DOCK2: variants seen among roughly 807,000 people sequenced by gnomAD.
The protein encoded by DOCK2 is dedicator of cytokinesis protein 2.
In DOCK2, 87 loss-of-function variants were observed where a neutral mutation model predicts 248.9. The observed-to-expected ratio is 0.35, with a 90% CI of 0.29 to 0.42. The LOEUF (loss-of-function observed/expected upper bound fraction) is 0.42, where lower values mean the gene tolerates loss of function less well. DOCK2 is among the 10% of genes least tolerant of loss of function. The pLI is 1.00. For synonymous variants in DOCK2, 805 were observed against 821.6 expected (o/e 0.98, Z 0.35); for missense variants, 1,747 against 2,300.2 (o/e 0.76, Z 4.92).
chr5:169,882,821 T>C (rs1457105502), intron 27 of DOCK2: 2 of 1,551,146 alleles, frequency 1.3e-6, no homozygotes, highest in African/African-American at 1.4e-5. Flanking sequence ...GTGGGGTTGT[T>C]TGCCGTCTGC....
At position 169,661,098 on chromosome 5, in the gene DOCK2, G is replaced by C. The variant is rs115500355; in HGVS notation, c.127+6612G>C. Among the ~76,000 whole-genome samples the C allele has an allele frequency of 9.5e-3, 1,444 of 151,930 alleles. 23 individuals are homozygous for C. The highest frequency in any genetic ancestry group is 0.033 in the African/African-American group (1,355 of 41,418). On this transcript the variant is annotated intron_variant, in intron 2 of 51. Coordinates refer to ENST00000520908, the MANE Select transcript of DOCK2 (RefSeq NM_004946.3). ...AAGAATGGTATCTACTAACTCTTTT[G>C]GACACTGGACAAACTCTCTGAGTTT...
At chr5:169,794,161 G>A (rs973031553) in intron 25 of DOCK2, among the ~76,000 whole-genome samples, 1 of 151,970 alleles carries the variant, frequency 6.6e-6, no homozygotes, top group African/African-American at 2.4e-5. Context: ...CAGTCCACCC[G>A]CCGGGTCTGA....
chr5:169,808,903 C>CT (rs201886180), intron 26 of DOCK2, among the ~76,000 whole-genome samples: 2,425 of 152,092 alleles, frequency 0.016, 73 homozygotes, highest in African/African-American at 0.054. Flanking sequence ...TCAGAATCAT[C>CT]TTTTTTTAAA....
intron 27 of DOCK2, among the ~76,000 whole-genome samples, chr5:169,908,884 C>T (rs977909982): frequency 3.2e-4 from 48 of 152,070 alleles, no homozygotes; most frequent in African/African-American, 1.1e-3. Context: ...TGCATTTCAC[C>T]TTCAAAACAA....
At chr5:169,737,161 G>A (rs1186971198) in intron 22 of DOCK2, among the ~76,000 whole-genome samples, 1 of 152,192 alleles carries the variant, frequency 6.6e-6, no homozygotes, top group Non-Finnish European at 1.5e-5. Flanking sequence ...GCTGTGACCT[G>A]AATGATGAGT....
At chr5:169,807,288 G>T (rs2113158283) in intron 26 of DOCK2, among the ~76,000 whole-genome samples, 1 of 152,254 alleles carries the variant, frequency 6.6e-6, no homozygotes. Context: ...CAGTAACCTG[G>T]AGGAGCTGTT....
At chr5:169,888,869 A>T (rs1342966449) in intron 27 of DOCK2, among the ~76,000 whole-genome samples, 1 of 152,242 alleles carries the variant, frequency 6.6e-6, no homozygotes, top group Non-Finnish European at 1.5e-5. Context: ...CCCTTGGGAT[A>T]GTAAACTGTA....
rs955516030 is a variant in DOCK2, at chr5:169,995,914, C to T, written c.2994-172C>T. Reference sequence around the variant, plus strand: ...TGAGTTCTTGCAAGGCAAACAGCCCCGAGTCTAGAGTGTGAATAGTTGTTA... The same window carrying T: ...TGAGTTCTTGCAAGGCAAACAGCCCTGAGTCTAGAGTGTGAATAGTTGTTA... On this transcript the variant is annotated intron_variant, in intron 29 of 51. Coordinates refer to ENST00000520908, the MANE Select transcript of DOCK2 (RefSeq NM_004946.3). Among the ~76,000 whole-genome samples, 18 of 152,144 alleles carry T rather than the reference C, an allele frequency of 1.2e-4. 1 individual carries two copies. Among genetic ancestry groups the T allele is most frequent in the Admixed American group, 8.5e-4 (13 of 15,282 alleles).
intron 27 of DOCK2, among the ~76,000 whole-genome samples, chr5:169,967,134 AG>A (rs1358857590): frequency 6.6e-6 from 1 of 152,226 alleles, no homozygotes; most frequent in Non-Finnish European, 1.5e-5. Context: ...CCTGGTCCAG[AG>A]GTGGACAGAG....
chr5:170,055,372 T>G lies in DOCK2; in HGVS notation c.4281T>G (p.Pro1427=). 6.2e-7 allele frequency: 1 copy of G among 1,614,020 alleles called. No homozygotes were observed. The highest frequency in any genetic ancestry group is 2.2e-5 in the East Asian group (1 of 44,894). The change falls in exon 42 of 52, where the codon CCT becomes CCG. Residue 1427 remains proline, a synonymous_variant. Transcript: ENST00000520908. ...CCAGGTTCAAGAATAAGCCAGTGCC[T>G]GACCAGATTATAAAGTAAGACTCGT... ...EHPRFKNKPV[P]DQIINFYKSN...
At chr5:169,932,696 T>TA (rs1298844025) in intron 27 of DOCK2, among the ~76,000 whole-genome samples, 4 of 152,202 alleles carry the variant, frequency 2.6e-5, no homozygotes, top group Non-Finnish European at 5.9e-5. Flanking sequence ...CCCTGTTCCC[T>TA]ATATTCCAGT....
At chr5:169,965,591 C>A (rs919097491) in intron 27 of DOCK2, among the ~76,000 whole-genome samples, 3 of 152,204 alleles carry the variant, frequency 2.0e-5, no homozygotes, top group Non-Finnish European at 2.9e-5. Flanking sequence ...GAGCGTTAAA[C>A]ATCCCAATGT....
At chr5:170,002,221 A>C (rs560340862) in intron 30 of DOCK2, among the ~76,000 whole-genome samples, 127 of 142,024 alleles carry the variant, frequency 8.9e-4, no homozygotes, top group African/African-American at 2.6e-3. Flanking sequence ...CGTTGATTAC[A>C]GCACTGTTGC....
At position 169,764,844 on chromosome 5, in the gene DOCK2, T is replaced by TTTGTTGTTG. The variant is rs10636919; in HGVS notation, c.2554+3240_2554+3248dup. On this transcript the variant is annotated intron_variant, in intron 25 of 51. Coordinates refer to ENST00000520908, the MANE Select transcript of DOCK2 (RefSeq NM_004946.3). This position sits in a 1 kb window ranked among gnomAD's most constrained non-coding sequence, Gnocchi z 4.3. ...GCTCTCCATTCTGACTTTGAACGTG[T>TTTGTTGTTG]TTGTTGTTGTTGTTGTTGTTGTTGT... Among the ~76,000 whole-genome samples the TTTGTTGTTG allele has an allele frequency of 0.084, 12,616 of 151,022 alleles. 581 individuals carry two copies. Among genetic ancestry groups the TTTGTTGTTG allele is most frequent in the Non-Finnish European group, 0.1 (7,094 of 67,840 alleles).
intron 25 of DOCK2, among the ~76,000 whole-genome samples, chr5:169,791,706 G>C (rs996116011): frequency 6.6e-5 from 10 of 152,194 alleles, no homozygotes; most frequent in African/African-American, 2.4e-4. Flanking sequence ...CTCTGTTGGA[G>C]ACACACTAGC....
chr5:169,746,973 G>A (rs1375203288), intron 22 of DOCK2, among the ~76,000 whole-genome samples: 8 of 152,164 alleles, frequency 5.3e-5, no homozygotes, highest in African/African-American at 1.7e-4. Context: ...GGGCTCATCC[G>A]ACAAACAGAC....
intron 26 of DOCK2, among the ~76,000 whole-genome samples, chr5:169,804,485 T>TGTGTGTGTGTGTGTGC (rs61431388): frequency 1.5e-5 from 1 of 68,094 alleles, no homozygotes; most frequent in East Asian, 6.3e-4. Context: ...TGTGTGTGTG[T>TGTGTGTGTGTGTGTGC]GCGCGCGCGC....
At chr5:169,715,522 A>T (rs1360209415) in intron 19 of DOCK2, among the ~76,000 whole-genome samples, 2 of 152,098 alleles carry the variant, frequency 1.3e-5, no homozygotes, top group Non-Finnish European at 2.9e-5. Flanking sequence ...AATAAAGTCT[A>T]TAGCCTTTTG....
chr5:170,081,678 C>T, intron 50 of DOCK2, 164 bp from the exon 51 acceptor site: 2 of 773,984 alleles, frequency 2.6e-6, no homozygotes, highest in South Asian at 1.9e-5. Flanking sequence ...CTTCAATGTC[C>T]CCTGGCACGG....
Sources: gnomAD v4.1 joint callset for allele counts (sites outside exome capture counted in the v4.1 genomes callset) on GRCh38, gnomAD v4.1.1 for gene constraint, Gnocchi (gnomAD v3.1) non-coding constraint, MANE v1.5 for transcripts, NCBI Gene and HGNC (gene_info 2026-07-23, HGNC 2026-07-21) for gene names.